The following ZNF548 variants were observed in gnomAD, a reference collection of about 807,000 sequenced individuals.
ZNF548 encodes zinc finger protein 548.
In ZNF548, 10 loss-of-function variants were observed where a neutral mutation model predicts 10.2. That is an observed-to-expected ratio of 0.98 (90% CI 0.60 to 1.66). ZNF548 has a LOEUF of 1.66. Among genes scored for constraint, ZNF548 ranks in the 40% most tolerant of loss-of-function variants. The pLI, the probability that ZNF548 is intolerant of heterozygous loss-of-function variation, is 0.00. For synonymous variants in ZNF548, 217 were observed against 223.5 expected (o/e 0.97, Z 0.26); for missense variants, 599 against 657.0 (o/e 0.91, Z 0.97).
chr19:57,394,634 C>T (rs951427265), intron 2 of ZNF548, among the ~76,000 whole-genome samples: 1 of 152,068 alleles, frequency 6.6e-6, no homozygotes, highest in African/African-American at 2.4e-5. Context: ...AGATTTGAAG[C>T]AAAATAGGTA....
At chr19:57,397,202 C>T (rs1258590120) in intron 3 of ZNF548, 28 bp downstream of exon 3, 1 of 1,548,344 alleles carries the variant, frequency 6.5e-7, no homozygotes, top group South Asian at 1.2e-5. Context: ...GCCCAGTGTC[C>T]TGGGTTAGGC....
At chr19:57,396,948 T>C in intron 2 of ZNF548, 100 bp from the exon 3 acceptor site, 2 of 1,488,170 alleles carry the variant, frequency 1.3e-6, no homozygotes, top group Non-Finnish European at 1.8e-6. Context: ...AGTTTGGCCC[T>C]GTGTTTAATG....
At chr19:57,397,215 T>C in intron 3 of ZNF548, 41 bp downstream of exon 3, 1 of 1,517,032 alleles carries the variant, frequency 6.6e-7, no homozygotes, top group South Asian at 1.3e-5. Context: ...GGTTAGGCTG[T>C]GTTACCCCTT....
At position 57,389,866 on chromosome 19, in the gene ZNF548, G is replaced by C. The variant is rs911439266; in HGVS notation, c.-234G>C. ...ACCGTCGGAGGGCGGGACTTCCGCC[G>C]TCCTCCTGGTGGTGGTCGTTTTGGT... On this transcript the variant is annotated 5_prime_UTR_variant, in exon 1 of 4. Transcript: ENST00000336128. 1.5e-5 allele frequency: 7 copies of C among 482,178 alleles called. No individual in the cohort carries two copies. The highest frequency in any genetic ancestry group is 2.2e-5 in the Non-Finnish European group (6 of 271,904). The allele number at this position is 482,178 out of a possible 1,614,324, so 29.9% of individuals were successfully genotyped here.
rs768766527 is a variant in ZNF548 at position 57,397,133 on chromosome 19, G to A, written c.137G>A (p.Arg46His). The change falls in exon 3 of 4, where the codon CGT (arginine) becomes CAT (histidine). Residue 46 changes from arginine (R) to histidine (H), a missense_variant. Transcript: ENST00000336128. ...GATGAGGCTCAGAGATTGCTGTACC[G>A]TGATGTGATGCTGGAGAATTTGGCC... ...HLDEAQRLLY[R>H]DVMLENLALL... 1.4e-5 allele frequency: 23 copies of A among 1,612,708 alleles called. No homozygotes were observed. The highest frequency in any genetic ancestry group is 2.2e-5 in the East Asian group (1 of 44,864).
In ZNF548 at chr19:57,398,633, G is replaced by A. The variant is rs751437947; in HGVS notation, c.382G>A (p.Ala128Thr). ...TGAGCAACACATATATATTTGTGAG[G>A]CAGAGCTTTTTCAGCACCCAAAGCA... ...HPEQHIYICEAELFQHPKQQI... is the reference protein window; with the variant it reads ...HPEQHIYICETELFQHPKQQI... The change falls in exon 4 of 4, where the codon GCA (alanine) becomes ACA (threonine). Residue 128 changes from alanine to threonine, a missense_variant. Coordinates refer to ENST00000336128, the MANE Select transcript of ZNF548 (RefSeq NM_001172773.2). The A allele has an allele frequency of 1.2e-6, 2 of 1,614,040 alleles. No individual in the cohort carries two copies. Among genetic ancestry groups the A allele is most frequent in the South Asian group, 2.2e-5 (2 of 91,084 alleles).
Position 57,399,713 on chromosome 19 carries a change from C to T in ZNF548, c.1462C>T (p.Pro488Ser). The change falls in exon 4 of 4, where the codon CCT (proline) becomes TCT (serine). Residue 488 changes from proline (P) to serine (S), a missense_variant. Physicochemically the swap from Pro to Ser is moderately conservative, Grantham distance 74. Coordinates refer to ENST00000336128, the MANE Select transcript of ZNF548 (RefSeq NM_001172773.2). The surrounding 1 kb of genome is among the most constrained non-coding windows in gnomAD (Gnocchi z 4.0). Reference protein sequence around the residue: ...EHQKIHSGERPYECSECQKAF... With the variant: ...EHQKIHSGERSYECSECQKAF... ...CCAGAAAATCCACAGTGGAGAAAGA[C>T]CTTATGAGTGCAGCGAATGCCAGAA... 6.2e-7 allele frequency: 1 copy of T among 1,614,202 alleles called. No homozygotes were observed. The highest frequency in any genetic ancestry group is 8.5e-7 in the Non-Finnish European group (1 of 1,180,040).
At chr19:57,393,804 C>T (rs1030238799) in intron 1 of ZNF548, among the ~76,000 whole-genome samples, 15 of 151,856 alleles carry the variant, frequency 9.9e-5, no homozygotes, top group African/African-American at 2.9e-4. Context: ...GTTAATATCG[C>T]ATCCTCTAAA....
In ZNF548 at chr19:57,398,916, A is replaced by T. The variant is rs778480593; in HGVS notation, c.665A>T (p.Tyr222Phe). ...TGTGGGAAAACCTTCACCTGCAGCT[A>T]TTCATTTGTTGAGCACCAGAAAATC... is the stretch of plus-strand genomic sequence containing the variant. ...SECGKTFTCS[Y>F]SFVEHQKIHT... Residue 222 changes from tyrosine to phenylalanine, a missense_variant, in exon 4 of 4, where the codon TAT (tyrosine) becomes TTT (phenylalanine). Coordinates refer to ENST00000336128, the MANE Select transcript of ZNF548 (RefSeq NM_001172773.2). 8.1e-6 allele frequency: 13 copies of T among 1,613,980 alleles called. No homozygotes were observed.
chr19:57,398,715 AC>A lies in ZNF548; in HGVS notation c.466del (p.His156ThrfsTer98). On this transcript the variant is annotated frameshift_variant, in exon 4 of 4. Transcript: ENST00000336128. LOFTEE classifies it low-confidence loss of function (END_TRUNC). The stretch of plus-strand genomic sequence containing the variant: ...GATTGGATACCTTCATTTGGGAAGA[AC>A]CACAGAGTTCACATGGCAGAGGAGA... ...GDDWIPSFGK[N>X]HRVHMAEEIF... 6.2e-7 allele frequency: 1 copy of A among 1,613,886 alleles called. No homozygotes were observed. The highest frequency in any genetic ancestry group is 2.2e-5 in the East Asian group (1 of 44,854).
chr19:57,396,834 T>G (rs1447729291), intron 2 of ZNF548: 5 of 575,570 alleles, frequency 8.7e-6, no homozygotes, highest in Non-Finnish European at 1.4e-5. Context: ...GTCCCTAGTT[T>G]TGCAGTACCT....
In ZNF548 at chr19:57,398,603, C is replaced by A. The variant is rs765147590; in HGVS notation, c.352C>A (p.His118Asn). 3.1e-6 allele frequency: 5 copies of A among 1,614,066 alleles called. No individual in the cohort carries two copies. The highest frequency in any genetic ancestry group is 4.2e-6 in the Non-Finnish European group (5 of 1,179,912). ...ILCLVEHNGI[H>N]PEQHIYICEA... Reference sequence around the variant, plus strand: ...GTGCCTGGTTGAGCACAATGGAATTCATCCTGAGCAACACATATATATTTG... The same window carrying A: ...GTGCCTGGTTGAGCACAATGGAATTAATCCTGAGCAACACATATATATTTG... The change falls in exon 4 of 4, where the codon CAT becomes AAT. Residue 118 changes from histidine (H) to asparagine (N), a missense_variant. By Grantham distance (68) the His-to-Asn change is moderately conservative. Coordinates refer to ENST00000336128, the MANE Select transcript of ZNF548 (RefSeq NM_001172773.2).
rs1019414595 is a variant in ZNF548 at position 57,400,114 on chromosome 19, A to G, written c.*225A>G. Reference sequence around the variant, plus strand: ...AATTTGATATATATTTGTACCTCATATAAGTGGATTCTACAGTATTTATCT... The same window carrying G: ...AATTTGATATATATTTGTACCTCATGTAAGTGGATTCTACAGTATTTATCT... On this transcript the variant is annotated 3_prime_UTR_variant, in exon 4 of 4. Transcript: ENST00000336128. The G allele has an allele frequency of 8.4e-6, 4 of 477,020 alleles. No individual in the cohort carries two copies. The highest frequency in any genetic ancestry group is 1.1e-5 in the Non-Finnish European group (3 of 271,832). The allele number at this position is 477,020 out of a possible 1,614,324, so 29.5% of individuals were successfully genotyped here.
chr19:57,401,422 A>G lies in ZNF548; in HGVS notation c.*1533A>G, dbSNP rs1376099690. On this transcript the variant is annotated 3_prime_UTR_variant, in exon 4 of 4. Coordinates refer to ENST00000336128, the MANE Select transcript of ZNF548 (RefSeq NM_001172773.2). Reference sequence around the variant, plus strand: ...TATAATAAATATTTACATAGCATTTACATTGTATTAGAAGTTATAAATAAC... The same window carrying G: ...TATAATAAATATTTACATAGCATTTGCATTGTATTAGAAGTTATAAATAAC... The G allele has an allele frequency of 1.3e-5, 2 of 152,218 alleles. No individual in the cohort carries two copies. The highest frequency in any genetic ancestry group is 2.9e-5 in the Non-Finnish European group (2 of 68,046). 9.4% of individuals were successfully genotyped at this position (152,218 alleles called of 1,614,324 possible).
chr19:57,399,951 A>C lies in ZNF548; in HGVS notation c.*62A>C, dbSNP rs1158943986. On this transcript the variant is annotated 3_prime_UTR_variant, in exon 4 of 4. Coordinates refer to ENST00000336128, the MANE Select transcript of ZNF548 (RefSeq NM_001172773.2). This position sits in a 1 kb window ranked among gnomAD's most constrained non-coding sequence, Gnocchi z 4.0. ...CATTTTTATGCAACTAATCTCCAGAACATTTTTCCTCTTACCAAGAAGTAA... is the reference window on the plus strand; with the variant it reads ...CATTTTTATGCAACTAATCTCCAGACCATTTTTCCTCTTACCAAGAAGTAA... 2 of 1,343,038 alleles carry C rather than the reference A, an allele frequency of 1.5e-6. No homozygotes were observed. Among genetic ancestry groups the C allele is most frequent in the East Asian group, 5.0e-5 (2 of 39,730 alleles). 83.2% of individuals were successfully genotyped at this position (1,343,038 alleles called of 1,614,324 possible).
Position 57,398,635 on chromosome 19 carries a change from A to G in ZNF548, c.384A>G (p.Ala128=). 1.2e-6 allele frequency: 2 copies of G among 1,614,112 alleles called. No individual in the cohort carries two copies. The highest frequency in any genetic ancestry group is 1.1e-5 in the South Asian group (1 of 91,088). ...HPEQHIYICE[A]ELFQHPKQQI... Reference sequence around the variant, plus strand: ...AGCAACACATATATATTTGTGAGGCAGAGCTTTTTCAGCACCCAAAGCAGC... The same window carrying G: ...AGCAACACATATATATTTGTGAGGCGGAGCTTTTTCAGCACCCAAAGCAGC... The change falls in exon 4 of 4, where the codon GCA becomes GCG. Residue 128 remains alanine, a synonymous_variant. Coordinates refer to ENST00000336128, the MANE Select transcript of ZNF548 (RefSeq NM_001172773.2).
rs2088659603 is a variant in ZNF548 at position 57,395,643 on chromosome 19, C to A, written c.52-1405C>A. On this transcript the variant is annotated intron_variant, in intron 2 of 3. Coordinates refer to ENST00000336128, the MANE Select transcript of ZNF548 (RefSeq NM_001172773.2). This position sits in a 1 kb window ranked among gnomAD's most constrained non-coding sequence, Gnocchi z 4.8. ...TGAGAACTTACTATTATGAGAAAGG[C>A]AAGGGGAAAATATGCCCTCATGATC... Among the ~76,000 whole-genome samples, 1 of 152,064 alleles carries A rather than the reference C, an allele frequency of 6.6e-6. No homozygotes were observed. The highest frequency in any genetic ancestry group is 1.5e-5 in the Non-Finnish European group (1 of 68,016).
intron 1 of ZNF548, 93 bp from the exon 2 acceptor site, chr19:57,394,095 G>C: frequency 7.5e-7 from 1 of 1,333,844 alleles, no homozygotes; most frequent in Non-Finnish European, 1.0e-6. Flanking sequence ...AGATCAGTTT[G>C]CTCCCAGGCA....
rs1370335329 is a variant in ZNF548, at chr19:57,398,711, A to C, written c.460A>C (p.Lys154Gln). 6.2e-7 allele frequency: 1 copy of C among 1,614,090 alleles called. No homozygotes were observed. Among genetic ancestry groups the C allele is most frequent in the Non-Finnish European group, 8.5e-7 (1 of 1,179,936 alleles). ...RGDDWIPSFG[K>Q]NHRVHMAEEI... ...GGATGATTGGATACCTTCATTTGGG[A>C]AGAACCACAGAGTTCACATGGCAGA... Residue 154 changes from lysine to glutamine, a missense_variant, in exon 4 of 4, where the codon AAG becomes CAG. Physicochemically the swap from Lys to Gln is moderately conservative, Grantham distance 53. Transcript: ENST00000336128.
Sources: allele counts gnomAD v4.1 joint callset (sites outside exome capture counted in the v4.1 genomes callset), GRCh38; gene constraint gnomAD v4.1.1; non-coding constraint Gnocchi (gnomAD v3.1); transcripts MANE v1.5; gene names NCBI Gene and HGNC (gene_info 2026-07-23, HGNC 2026-07-21).